UGT8: variants seen among roughly 807,000 people sequenced by gnomAD.
The protein encoded by UGT8 is 2-hydroxyacylsphingosine 1-beta-galactosyltransferase.
Under a neutral mutation model 40.5 loss-of-function variants are expected in UGT8, and 12 were observed. The observed-to-expected ratio is 0.30, with a 90% CI of 0.19 to 0.48. UGT8 has a LOEUF of 0.48. Ranked by LOEUF, UGT8 falls within the 20% of genes least tolerant of loss-of-function variation. The probability of loss-of-function intolerance (pLI) is 0.99; values close to 1 mark genes in which losing one functional copy is unlikely to be tolerated. For synonymous variants in UGT8, 224 were observed against 240.4 expected, an observed-to-expected ratio of 0.93 and a Z score of 0.63; for missense variants, 513 against 648.7, an observed-to-expected ratio of 0.79 and a Z score of 2.27.
chr4:114,632,374 T>G (rs949836175), intron 2 of UGT8, among the ~76,000 whole-genome samples: 1 of 152,208 alleles, frequency 6.6e-6, no homozygotes, highest in African/African-American at 2.4e-5. Context: ...TTTGGGTGGC[T>G]TTTGACAGGG....
At chr4:114,662,048 A>T (rs182123710) in intron 2 of UGT8, among the ~76,000 whole-genome samples, 1 of 152,228 alleles carries the variant, frequency 6.6e-6, no homozygotes, top group African/African-American at 2.4e-5. Flanking sequence ...TACTTGGTAA[A>T]TGTAGCAGAA....
At chr4:114,602,306 T>TA (rs1446754880) in intron 1 of UGT8, among the ~76,000 whole-genome samples, 1 of 152,200 alleles carries the variant, frequency 6.6e-6, no homozygotes, top group Non-Finnish European at 1.5e-5. Context: ...AACTATAATG[T>TA]AGTGTAGTTA....
At chr4:114,649,639 C>G (rs1445249929) in intron 2 of UGT8, among the ~76,000 whole-genome samples, 2 of 152,102 alleles carry the variant, frequency 1.3e-5, no homozygotes, top group Non-Finnish European at 2.9e-5. Context: ...TTTGTTACAT[C>G]TCATTGACCA....
chr4:114,620,256 C>A (rs1731703230), intron 1 of UGT8, among the ~76,000 whole-genome samples: 1 of 152,184 alleles, frequency 6.6e-6, no homozygotes, highest in South Asian at 2.1e-4. Flanking sequence ...AGTGGAGAGA[C>A]CAGTTTTCTA....
chr4:114,600,824 T>G (rs1278496768), intron 1 of UGT8, among the ~76,000 whole-genome samples: 2 of 152,188 alleles, frequency 1.3e-5, no homozygotes, highest in African/African-American at 4.8e-5. Context: ...TTTGAGGTTT[T>G]GCTTTAGGAA....
chr4:114,668,112 G>A lies in UGT8; in HGVS notation c.1070G>A (p.Ser357Asn). Residue 357 changes from serine (S) to asparagine (N), a missense_variant, in exon 5 of 6, where the codon AGC (serine) becomes AAC (asparagine). Coordinates refer to ENST00000310836, the MANE Select transcript of UGT8 (RefSeq NM_001128174.3). ...CATTCAAAGATTAAAGCCTTCCTGAGCCATGGTGGTTTGAACAGTATTTTT... is the reference window on the plus strand; with the variant it reads ...CATTCAAAGATTAAAGCCTTCCTGAACCATGGTGGTTTGAACAGTATTTTT... The part of the protein sequence containing the change: ...LGHSKIKAFL[S>N]HGGLNSIFET... The A allele has an allele frequency of 1.2e-6, 2 of 1,613,608 alleles. No individual in the cohort carries two copies. The highest frequency in any genetic ancestry group is 1.7e-5 in the Admixed American group (1 of 60,006).
intron 1 of UGT8, among the ~76,000 whole-genome samples, chr4:114,621,892 T>C (rs899025710): frequency 3.9e-5 from 6 of 152,164 alleles, no homozygotes; most frequent in African/African-American, 1.4e-4. Flanking sequence ...AGAACAAATA[T>C]CAGGATAATT....
rs531546783 is a variant in UGT8, at chr4:114,677,534, C to T, written c.*1246C>T. On this transcript the variant is annotated 3_prime_UTR_variant, in exon 6 of 6. Coordinates refer to ENST00000310836, the MANE Select transcript of UGT8 (RefSeq NM_001128174.3). ...ATTCACTCAGCCCTCACCCCAGCAG[C>T]CTTTTCCGGTCATTGTAGCTGACAT... 1.3e-5 allele frequency: 2 copies of T among 152,372 alleles called. No individual in the cohort carries two copies. The highest frequency in any genetic ancestry group is 4.8e-5 in the African/African-American group (2 of 41,562). 9.4% of individuals were successfully genotyped at this position (152,372 alleles called of 1,614,324 possible).
chr4:114,610,273 C>T (rs139264060), intron 1 of UGT8, among the ~76,000 whole-genome samples: 100 of 152,208 alleles, frequency 6.6e-4, no homozygotes, highest in Non-Finnish European at 1.2e-3. Context: ...GCCCCTTTCT[C>T]TACAAATGAG....
At chr4:114,643,872 C>G (rs1348849424) in intron 2 of UGT8, among the ~76,000 whole-genome samples, 1 of 152,040 alleles carries the variant, frequency 6.6e-6, no homozygotes, top group East Asian at 1.9e-4. Context: ...TTTCTGGTTT[C>G]AAGAAATACT....
intron 4 of UGT8, 86 bp downstream of exon 4, chr4:114,665,842 TTC>T (rs1230979774): frequency 8.5e-6 from 9 of 1,064,836 alleles, no homozygotes; most frequent in African/African-American, 1.6e-5. Flanking sequence ...ACTTCAGAGG[TTC>T]ATACGGTATA....
intron 1 of UGT8, among the ~76,000 whole-genome samples, chr4:114,609,475 T>G (rs1730917584): frequency 6.6e-6 from 1 of 152,218 alleles, no homozygotes; most frequent in Non-Finnish European, 1.5e-5. Context: ...CTAAACTATG[T>G]GCAATATACA....
rs934901033 is a variant in UGT8 at position 114,665,581 on chromosome 4, C to G, written c.966-99C>G. 7 of 1,229,242 alleles carry G rather than the reference C, an allele frequency of 5.7e-6. 1 individual carries two copies. In the South Asian group the frequency reaches 1.6e-4, roughly 27 times the overall value. The allele number at this position is 1,229,242 out of a possible 1,614,324, so 76.1% of individuals were successfully genotyped here. A position where few individuals can be genotyped will look rare whatever the true frequency, so the allele number is the denominator to read the frequency against. Reference sequence around the variant, plus strand: ...ATTCTTAAGAATATCAACAAAAGATCATCAAACATTTATTTTAAATCTCAT... The same window carrying G: ...ATTCTTAAGAATATCAACAAAAGATGATCAAACATTTATTTTAAATCTCAT... On this transcript the variant is annotated intron_variant, in intron 3 of 5. Transcript: ENST00000310836.
chr4:114,641,270 A>T (rs1733207281), intron 2 of UGT8, among the ~76,000 whole-genome samples: 1 of 152,334 alleles, frequency 6.6e-6, no homozygotes, highest in East Asian at 1.9e-4. Flanking sequence ...GAGCATCATT[A>T]GGAGCTTATT....
intron 1 of UGT8, among the ~76,000 whole-genome samples, chr4:114,609,102 G>GC (rs1730896002): frequency 6.6e-6 from 1 of 152,088 alleles, no homozygotes; most frequent in Non-Finnish European, 1.5e-5. Context: ...GTGAAGTGGT[G>GC]CAGGTCTGAG....
chr4:114,613,015 T>G (rs1409136735), intron 1 of UGT8, among the ~76,000 whole-genome samples: 2 of 152,148 alleles, frequency 1.3e-5, no homozygotes, highest in African/African-American at 4.8e-5. Context: ...AGTTTTAGAA[T>G]AGTAAGGGAT....
intron 2 of UGT8, among the ~76,000 whole-genome samples, chr4:114,662,328 T>A (rs1269909175): frequency 1.3e-5 from 2 of 152,196 alleles, no homozygotes; most frequent in African/African-American, 2.4e-5. Context: ...ATGATTACAT[T>A]GCAGAGTAAG....
At chr4:114,670,754 C>G (rs971493835) in intron 5 of UGT8, among the ~76,000 whole-genome samples, 1 of 152,102 alleles carries the variant, frequency 6.6e-6, no homozygotes, top group Non-Finnish European at 1.5e-5. Context: ...GAAACCAGCA[C>G]AAGACAAGGA....
At chr4:114,670,071 C>A (rs1735139662) in intron 5 of UGT8, among the ~76,000 whole-genome samples, 1 of 151,958 alleles carries the variant, frequency 6.6e-6, no homozygotes, top group Non-Finnish European at 1.5e-5. Context: ...TTTATGAAGC[C>A]AGCATTATCC....
Sources: gnomAD v4.1 joint callset for allele counts (sites outside exome capture counted in the v4.1 genomes callset) on GRCh38, gnomAD v4.1.1 for gene constraint, MANE v1.5 for transcripts, NCBI Gene and HGNC (gene_info 2026-07-23, HGNC 2026-07-21) for gene names.